PEBP4: variants seen among roughly 807,000 people sequenced by gnomAD.
PEBP4 encodes the protein phosphatidylethanolamine binding protein 4.
Under a neutral mutation model 23.9 loss-of-function variants are expected in PEBP4, and 22 were observed. That is an observed-to-expected ratio of 0.92 (90% CI 0.66 to 1.31). PEBP4 has a LOEUF of 1.31. PEBP4 is among the 40% of genes most tolerant of loss of function. The pLI, the probability that PEBP4 is intolerant of heterozygous loss-of-function variation, is 0.00. For missense variants in PEBP4, 324 were observed against 281.7 expected (o/e 1.15, Z -1.07); for synonymous variants, 112 against 99.3 (o/e 1.13, Z -0.76).
chr8:22,860,179 T>C (rs1043174011), intron 3 of PEBP4, among the ~76,000 whole-genome samples: 5 of 84,588 alleles, frequency 5.9e-5, no homozygotes, highest in African/African-American at 1.9e-4. Flanking sequence ...TATATATATA[T>C]ACACATATAT....
At chr8:22,782,048 C>T (rs62494992) in intron 4 of PEBP4, among the ~76,000 whole-genome samples, 7 of 152,342 alleles carry the variant, frequency 4.6e-5, no homozygotes, top group Middle Eastern at 3.4e-3. Flanking sequence ...CTTTCAGTCA[C>T]TCTGTGGCTT....
At chr8:22,767,556 A>T (rs1805634391) in intron 4 of PEBP4, among the ~76,000 whole-genome samples, 1 of 152,216 alleles carries the variant, frequency 6.6e-6, no homozygotes, top group African/African-American at 2.4e-5. Flanking sequence ...ATGACGCTCA[A>T]GAATACGCCT....
chr8:22,876,665 TTGTGTTGTTGTG>T, intron 3 of PEBP4, among the ~76,000 whole-genome samples: 1 of 152,364 alleles, frequency 6.6e-6, no homozygotes, highest in East Asian at 1.9e-4. Context: ...TTTATAGCGC[TTGTGTTGTTGTG>T]AAAATAAACA....
At chr8:22,881,863 C>T (rs770664748) in intron 3 of PEBP4, among the ~76,000 whole-genome samples, 1 of 152,260 alleles carries the variant, frequency 6.6e-6, no homozygotes, top group African/African-American at 2.4e-5. Flanking sequence ...CCTCTCCACA[C>T]CTAAGTTTCC....
rs769432030 is a variant in PEBP4, at chr8:22,724,904, G to T, written c.456C>A (p.Phe152Leu). Residue 152 changes from phenylalanine (F) to leucine (L), a missense_variant, in exon 6 of 7, where the codon TTC becomes TTA. By Grantham distance (22) the Phe-to-Leu change is conservative. Coordinates refer to ENST00000256404, the MANE Select transcript of PEBP4 (RefSeq NM_144962.3). ...PAHSGFHRYQFFVYLQEGKVI... is the reference protein window; with the variant it reads ...PAHSGFHRYQLFVYLQEGKVI... The stretch of plus-strand genomic sequence containing the variant: ...CTTTTCCTTCCTGAAGATAGACAAA[G>T]AACTGGTAGCGATGGAAGCCACTGT... 3.1e-6 allele frequency: 5 copies of T among 1,614,106 alleles called. No individual in the cohort carries two copies. Among genetic ancestry groups the T allele is most frequent in the African/African-American group, 1.3e-5 (1 of 74,946 alleles).
intron 3 of PEBP4, among the ~76,000 whole-genome samples, chr8:22,912,207 G>A (rs569447701): frequency 1.2e-4 from 19 of 152,286 alleles, no homozygotes; most frequent in Non-Finnish European, 8.8e-5. Context: ...GCACGTGGCC[G>A]TTCTGTTAAG....
intron 4 of PEBP4, among the ~76,000 whole-genome samples, chr8:22,763,653 G>C (rs947829554): frequency 5.9e-5 from 9 of 152,108 alleles, no homozygotes; most frequent in Non-Finnish European, 1.2e-4. Flanking sequence ...ATATGTAAGA[G>C]GTGCCCAGCC....
chr8:22,844,505 C>T lies in PEBP4; in HGVS notation c.259-26770G>A, dbSNP rs558456095. On this transcript the variant is annotated intron_variant, in intron 3 of 6. Transcript: ENST00000256404. ...CCACCCACCTCAGCCTCCCAAAGTGCTGGGATTACAGGTGTGAGCCACCCA... is the reference window on the plus strand; with the variant it reads ...CCACCCACCTCAGCCTCCCAAAGTGTTGGGATTACAGGTGTGAGCCACCCA... 2.2e-4 allele frequency among the ~76,000 whole-genome samples: 33 copies of T among 152,332 alleles called. No homozygotes were observed. The East Asian group carries it at 4.4e-3, about 20-fold the overall frequency.
intron 6 of PEBP4, among the ~76,000 whole-genome samples, chr8:22,718,970 G>C (rs143436138): frequency 6.6e-6 from 1 of 152,128 alleles, no homozygotes; most frequent in Admixed American, 6.5e-5. Flanking sequence ...TGCTGCCCTT[G>C]GCCCCATGAT....
chr8:22,927,522 C>T (rs1809368845), intron 2 of PEBP4, 62 bp downstream of exon 2: 5 of 1,552,446 alleles, frequency 3.2e-6, no homozygotes, highest in African/African-American at 1.4e-5. Flanking sequence ...ATATACCCCT[C>T]CCTGCCATCT....
chr8:22,833,779 A>T (rs1334121764), intron 3 of PEBP4, among the ~76,000 whole-genome samples: 1 of 152,096 alleles, frequency 6.6e-6, no homozygotes, highest in Non-Finnish European at 1.5e-5. Context: ...CACCAGGGGA[A>T]CTCTTCAAGC....
At chr8:22,915,850 C>T (rs1229400770) in intron 3 of PEBP4, among the ~76,000 whole-genome samples, 3 of 152,192 alleles carry the variant, frequency 2.0e-5, no homozygotes, top group Admixed American at 2.0e-4. Flanking sequence ...TTTTTCTGCT[C>T]TGTGTATACA....
At chr8:22,915,312 G>A (rs1160851325) in intron 3 of PEBP4, among the ~76,000 whole-genome samples, 1 of 152,050 alleles carries the variant, frequency 6.6e-6, no homozygotes, top group African/African-American at 2.4e-5. Context: ...CAAACTTTAA[G>A]ATAAACTCTA....
chr8:22,741,863 C>G (rs1805002633), intron 4 of PEBP4, among the ~76,000 whole-genome samples: 1 of 152,184 alleles, frequency 6.6e-6, no homozygotes, highest in African/African-American at 2.4e-5. Flanking sequence ...CTTTGCACAA[C>G]CATGACAAGG....
chr8:22,772,477 T>TTCTCTCTC (rs1318831599), intron 4 of PEBP4, among the ~76,000 whole-genome samples: 5 of 145,234 alleles, frequency 3.4e-5, no homozygotes, highest in African/African-American at 1.0e-4. Flanking sequence ...AGGGCAGGTA[T>TTCTCTCTC]TCTCTCTCTC....
chr8:22,740,785 G>A (rs1804972723), intron 4 of PEBP4, among the ~76,000 whole-genome samples: 2 of 152,340 alleles, frequency 1.3e-5, no homozygotes, highest in Admixed American at 1.3e-4. Flanking sequence ...GGCTGGGCCA[G>A]ACCTGAGAAG....
At chr8:22,902,767 G>C (rs575793644) in intron 3 of PEBP4, among the ~76,000 whole-genome samples, 1 of 152,298 alleles carries the variant, frequency 6.6e-6, no homozygotes, top group South Asian at 2.1e-4. Flanking sequence ...AGCCCTGAGG[G>C]TTCTGCTACA....
intron 4 of PEBP4, among the ~76,000 whole-genome samples, chr8:22,760,237 C>G (rs1365133527): frequency 6.6e-6 from 1 of 152,126 alleles, no homozygotes; most frequent in African/African-American, 2.4e-5. Flanking sequence ...ATCACCTGCC[C>G]AAGGTCACCT....
chr8:22,912,217 G>T lies in PEBP4; in HGVS notation c.258+7967C>A, dbSNP rs144093573. Among the ~76,000 whole-genome samples the T allele has an allele frequency of 8.6e-3, 1,308 of 152,300 alleles. 10 individuals carry two copies. Among genetic ancestry groups the T allele is most frequent in the Non-Finnish European group, 0.013 (866 of 68,022 alleles). ...CCGGAGCACGTGGCCGTTCTGTTAA[G>T]GTTTCCCCTCAGCCATTAAGTGTTT... On this transcript the variant is annotated intron_variant, in intron 3 of 6. Coordinates refer to ENST00000256404, the MANE Select transcript of PEBP4 (RefSeq NM_144962.3).
Sources: allele counts gnomAD v4.1 joint callset (sites outside exome capture counted in the v4.1 genomes callset), GRCh38; gene constraint gnomAD v4.1.1; transcripts MANE v1.5; gene names NCBI Gene and HGNC (gene_info 2026-07-23, HGNC 2026-07-21).